The following CTNNA1 variants were observed in gnomAD, a reference collection of about 807,000 sequenced individuals.
CTNNA1 encodes catenin alpha-1.
Under a neutral mutation model 98.4 loss-of-function variants are expected in CTNNA1, and 37 were observed. The ratio of observed to expected loss-of-function variants is 0.38; its 90% CI spans 0.29 to 0.49. CTNNA1 has a LOEUF of 0.49. Ranked by LOEUF, CTNNA1 falls within the 20% of genes least tolerant of loss-of-function variation. The pLI is 0.95. For missense variants in CTNNA1, 761 were observed against 1,147.2 expected (o/e 0.66, Z 4.86); for synonymous variants, 404 against 413.2 (o/e 0.98, Z 0.27).
In CTNNA1 at chr5:138,921,936, T is replaced by C. The variant is rs184255375; in HGVS notation, c.1547-2574T>C. 2.1e-3 allele frequency among the ~76,000 whole-genome samples: 320 copies of C among 151,824 alleles called. 2 individuals carry two copies. The highest frequency in any genetic ancestry group is 2.2e-3 in the Non-Finnish European group (150 of 67,912). ...CCGGTGATTTTTTTTTTTTTAAGCC[T>C]ACTATATAGTTTACATGGCAAGCCA... is the stretch of plus-strand genomic sequence containing the variant. On this transcript the variant is annotated intron_variant, in intron 11 of 17. Transcript: ENST00000302763.
At chr5:138,845,409 G>A (rs1470907578) in intron 7 of CTNNA1, among the ~76,000 whole-genome samples, 1 of 152,166 alleles carries the variant, frequency 6.6e-6, no homozygotes, top group Non-Finnish European at 1.5e-5. Context: ...ATTCTTTAAG[G>A]CCCTGTTCAG....
At chr5:138,886,171 T>C (rs1172074609) in intron 7 of CTNNA1, 41 bp from the exon 8 acceptor site, 3 of 1,598,470 alleles carry the variant, frequency 1.9e-6, no homozygotes, top group Admixed American at 3.5e-5. Context: ...TAGGTTTCTT[T>C]GTAAATGAAT....
intron 3 of CTNNA1, among the ~76,000 whole-genome samples, chr5:138,798,546 T>G (rs1322311508): frequency 6.6e-6 from 1 of 152,218 alleles, no homozygotes; most frequent in African/African-American, 2.4e-5. Flanking sequence ...CCCCGTAACT[T>G]TATAAAGTTT....
At chr5:138,879,146 G>T (rs1752315047) in intron 7 of CTNNA1, among the ~76,000 whole-genome samples, 1 of 143,894 alleles carries the variant, frequency 6.9e-6, no homozygotes, top group Non-Finnish European at 1.5e-5. Context: ...GTGGCAGCCT[G>T]GGTGACAGAG....
At chr5:138,814,232 T>C (rs538605400) in intron 5 of CTNNA1, among the ~76,000 whole-genome samples, 51 of 151,892 alleles carry the variant, frequency 3.4e-4, no homozygotes, top group Admixed American at 5.2e-4. Context: ...ATACCCAAGT[T>C]AGTGTAGGCT....
At chr5:138,861,669 G>A (rs146886933) in intron 7 of CTNNA1, among the ~76,000 whole-genome samples, 133 of 152,300 alleles carry the variant, frequency 8.7e-4, no homozygotes, top group African/African-American at 3.1e-3. Flanking sequence ...TGGAGTGAGT[G>A]CTAATTATTA....
rs767401813 is a variant in CTNNA1 at position 138,783,391 on chromosome 5, TTAGG to T, written c.301+22_301+25del. 1 of 1,596,558 alleles carries T rather than the reference TTAGG, an allele frequency of 6.3e-7. No individual in the cohort carries two copies. Among genetic ancestry groups the T allele is most frequent in the South Asian group, 1.1e-5 (1 of 89,282 alleles). The stretch of plus-strand genomic sequence containing the variant: ...AAACAAGGTAGGTCATTACTGCTTT[TTAGG>T]TAAAGAGAGGCAGGCCTTTCTAGAA... On this transcript the variant is annotated intron_variant, in intron 3 of 17. Transcript: ENST00000302763.
At chr5:138,920,410 G>A (rs10078179) in intron 11 of CTNNA1, among the ~76,000 whole-genome samples, 2 of 152,220 alleles carry the variant, frequency 1.3e-5, no homozygotes, top group African/African-American at 4.8e-5. Context: ...TGGCCCTGAC[G>A]TGGCCCTGCC....
intron 3 of CTNNA1, among the ~76,000 whole-genome samples, chr5:138,796,561 T>A (rs1462680768): frequency 1.4e-5 from 2 of 142,592 alleles, no homozygotes; most frequent in African/African-American, 2.6e-5. Flanking sequence ...AAAAAAAAAG[T>A]AGTAGGTATC....
At chr5:138,861,320 T>G (rs1408006606) in intron 7 of CTNNA1, among the ~76,000 whole-genome samples, 2 of 152,138 alleles carry the variant, frequency 1.3e-5, no homozygotes, top group Non-Finnish European at 2.9e-5. Context: ...CACGCCTGGC[T>G]CTGAACGCAC....
intron 3 of CTNNA1, among the ~76,000 whole-genome samples, chr5:138,799,616 C>T (rs1757333358): frequency 1.3e-5 from 2 of 149,098 alleles, no homozygotes; most frequent in Non-Finnish European, 3.0e-5. Context: ...TCAAGTTAGT[C>T]TTAGTGTCAT....
At chr5:138,872,433 A>G (rs1015033901) in intron 7 of CTNNA1, 4 of 152,546 alleles carry the variant, frequency 2.6e-5, no homozygotes, top group Admixed American at 6.5e-5. Flanking sequence ...CTTTGATAAT[A>G]TCTACTAACC....
In CTNNA1 at chr5:138,851,952, C is replaced by A. The variant is rs1297286119; in HGVS notation, c.1062+24234C>A. On this transcript the variant is annotated intron_variant, in intron 7 of 17. Coordinates refer to ENST00000302763, the MANE Select transcript of CTNNA1 (RefSeq NM_001903.5). ...AGGCATGATGGCGCGTGCCTGTAAT[C>A]CCAGCTACTCGGAAGGCTGAGGCAG... Among the ~76,000 whole-genome samples the A allele has an allele frequency of 2.0e-5, 3 of 152,020 alleles. No homozygotes were observed. The South Asian group carries it at 6.2e-4, about 32-fold the overall frequency.
At chr5:138,859,306 T>C (rs1025268531) in intron 7 of CTNNA1, among the ~76,000 whole-genome samples, 1 of 152,194 alleles carries the variant, frequency 6.6e-6, no homozygotes, top group African/African-American at 2.4e-5. Flanking sequence ...TTACAGGTAT[T>C]GTTTAAAGAT....
intron 7 of CTNNA1, chr5:138,875,677 A>C (rs984690539): frequency 2.0e-6 from 2 of 985,430 alleles, no homozygotes; most frequent in Non-Finnish European, 2.4e-6. Context: ...TAGAGAGATC[A>C]TCTAAATGGG....
chr5:138,852,976 C>T (rs1488666375), intron 7 of CTNNA1, among the ~76,000 whole-genome samples: 1 of 151,936 alleles, frequency 6.6e-6, no homozygotes, highest in African/African-American at 2.4e-5. Flanking sequence ...TCATGGAAAT[C>T]CTTGCAAGCC....
chr5:138,893,658 C>CT (rs1163309088), intron 9 of CTNNA1, among the ~76,000 whole-genome samples: 2 of 152,036 alleles, frequency 1.3e-5, no homozygotes, highest in African/African-American at 4.8e-5. Context: ...GAGTCTCTCT[C>CT]TGTCACCCAG....
chr5:138,879,516 TG>T (rs1030301092), intron 7 of CTNNA1, among the ~76,000 whole-genome samples: 34 of 152,284 alleles, frequency 2.2e-4, no homozygotes, highest in African/African-American at 8.2e-4. Flanking sequence ...TCACCCAGGC[TG>T]GAGTGCAGAG....
intron 9 of CTNNA1, among the ~76,000 whole-genome samples, chr5:138,898,451 T>C (rs955071963): frequency 6.6e-6 from 1 of 152,174 alleles, no homozygotes; most frequent in Non-Finnish European, 1.5e-5. Context: ...GCTTTACTTA[T>C]AAATTATTCA....
Sources: allele counts gnomAD v4.1 joint callset (sites outside exome capture counted in the v4.1 genomes callset), GRCh38; gene constraint gnomAD v4.1.1; transcripts MANE v1.5; gene names NCBI Gene and HGNC (gene_info 2026-07-23, HGNC 2026-07-21).